ANKRD27: variants seen among roughly 807,000 people sequenced by gnomAD.
The protein encoded by ANKRD27 is ankyrin repeat domain-containing protein 27.
Under a neutral mutation model 129.7 loss-of-function variants are expected in ANKRD27, and 112 were observed. That is an observed-to-expected ratio of 0.86 (90% CI 0.74 to 1.01). The LOEUF (loss-of-function observed/expected upper bound fraction) is 1.01, where lower values mean the gene tolerates loss of function less well. Among genes scored for constraint, ANKRD27 ranks in the 50% least tolerant of loss-of-function variants. ANKRD27 has a pLI of 0.00. For missense variants in ANKRD27, 1,258 were observed against 1,300.5 expected, an observed-to-expected ratio of 0.97 and a Z score of 0.50; for synonymous variants, 516 against 511.2, an observed-to-expected ratio of 1.01 and a Z score of -0.13.
rs112253533 is a variant in ANKRD27, at chr19:32,626,169, G to C, written c.1537-203C>G. 7.5e-4 allele frequency among the ~76,000 whole-genome samples: 114 copies of C among 152,158 alleles called. 1 individual carries two copies. Among genetic ancestry groups the C allele is most frequent in the African/African-American group, 2.7e-3 (112 of 41,494 alleles). The stretch of plus-strand genomic sequence containing the variant: ...AGCCCCACCTTTTCTTCCCCCATAT[G>C]ATCAGGAAGTTTTTCTTTTTAGAGA... On this transcript the variant is annotated intron_variant, in intron 16 of 28. Coordinates refer to ENST00000306065, the MANE Select transcript of ANKRD27 (RefSeq NM_032139.3).
intron 1 of ANKRD27, among the ~76,000 whole-genome samples, chr19:32,670,035 G>A (rs1967837989): frequency 1.3e-5 from 2 of 151,762 alleles, no homozygotes; most frequent in East Asian, 3.9e-4. Flanking sequence ...AAACGGCAGG[G>A]AAGGGGATGA....
chr19:32,624,448 G>T (rs954904686), intron 17 of ANKRD27, among the ~76,000 whole-genome samples: 4 of 151,952 alleles, frequency 2.6e-5, no homozygotes, highest in Admixed American at 2.0e-4. Context: ...AGTTAGGAAA[G>T]CAAGTGGCAT....
chr19:32,643,053 G>A, intron 9 of ANKRD27, 70 bp downstream of exon 9: 2 of 1,482,388 alleles, frequency 1.3e-6, no homozygotes, highest in Non-Finnish European at 1.9e-6. Context: ...CCACCGAGAG[G>A]GCCTGCTTCC....
chr19:32,605,905 A>AG lies in ANKRD27; in HGVS notation c.2422dup (p.Leu808ProfsTer30). 6.2e-7 allele frequency: 1 copy of AG among 1,614,082 alleles called. No homozygotes were observed. On this transcript the variant is annotated frameshift_variant, in exon 24 of 29. Transcript: ENST00000306065. LOFTEE classifies it high-confidence loss of function. ...GTAAATGAGGGGCGTGTTTCCACTG[A>AG]GGTCCTTCTTATTGGGTTTTGCATT...
intron 2 of ANKRD27, among the ~76,000 whole-genome samples, chr19:32,654,602 A>G (rs1430787310): frequency 6.6e-6 from 1 of 152,206 alleles, no homozygotes; most frequent in Admixed American, 6.5e-5. Flanking sequence ...CCAGTGTGAC[A>G]GTGACAGCAG....
intron 18 of ANKRD27, among the ~76,000 whole-genome samples, chr19:32,620,141 T>C (rs1408632742): frequency 6.6e-6 from 1 of 152,026 alleles, no homozygotes; most frequent in Non-Finnish European, 1.5e-5. Context: ...CTTGGCAGTA[T>C]TCAGGGGGTA....
chr19:32,617,584 C>T lies in ANKRD27; in HGVS notation c.2052+5G>A, dbSNP rs775661887. The T allele has an allele frequency of 7.9e-6, 6 of 755,112 alleles. No individual in the cohort carries two copies. In the African/African-American group the frequency reaches 8.7e-5, roughly 11 times the overall value. 46.8% of individuals were successfully genotyped at this position (755,112 alleles called of 1,614,324 possible). Reference sequence around the variant, plus strand: ...ATAAAATAAAAAGCACTTCTAAAAACTCACCATTTCTAGATCTCCATCAGC... The same window carrying T: ...ATAAAATAAAAAGCACTTCTAAAAATTCACCATTTCTAGATCTCCATCAGC... On this transcript the variant is annotated splice_donor_5th_base_variant and intron_variant, in intron 21 of 28. Transcript: ENST00000306065.
intron 22 of ANKRD27, among the ~76,000 whole-genome samples, chr19:32,611,225 A>ACAG (rs1438917466): frequency 1.3e-5 from 2 of 152,162 alleles, no homozygotes; most frequent in African/African-American, 4.8e-5. Context: ...AATGGCAAAA[A>ACAG]CAGCAGCAGC....
At chr19:32,602,949 C>A (rs1473984722) in intron 25 of ANKRD27, among the ~76,000 whole-genome samples, 1 of 151,854 alleles carries the variant, frequency 6.6e-6, no homozygotes, top group African/African-American at 2.4e-5. Context: ...TCAACATAAT[C>A]ATTTAAGAAA....
intron 2 of ANKRD27, among the ~76,000 whole-genome samples, chr19:32,655,743 C>A (rs1967505757): frequency 6.6e-6 from 1 of 152,060 alleles, no homozygotes; most frequent in Non-Finnish European, 1.5e-5. Flanking sequence ...TTAGGCCGGA[C>A]ACAGTGGCTC....
At position 32,605,823 on chromosome 19, in the gene ANKRD27, AG is replaced by A; in HGVS notation, c.2493+11del. The A allele has an allele frequency of 6.2e-7, 1 of 1,612,048 alleles. No homozygotes were observed. The highest frequency in any genetic ancestry group is 8.5e-7 in the Non-Finnish European group (1 of 1,179,172). On this transcript the variant is annotated intron_variant, in intron 24 of 28. Transcript: ENST00000306065. ...GCAGGTGTGTAGAATGAGGACAGGA[AG>A]GGGCCCTCACCTGTAGCAGCAGTGC...
At chr19:32,613,854 G>C (rs1046981674) in intron 22 of ANKRD27, among the ~76,000 whole-genome samples, 1 of 151,874 alleles carries the variant, frequency 6.6e-6, no homozygotes, top group African/African-American at 2.4e-5. Context: ...GACTAGAAGC[G>C]CCCGCCACCA....
chr19:32,642,149 T>C lies in ANKRD27; in HGVS notation c.783-4A>G. 1 of 1,579,828 alleles carries C rather than the reference T, an allele frequency of 6.3e-7. No individual in the cohort carries two copies. The highest frequency in any genetic ancestry group is 1.1e-5 in the South Asian group (1 of 87,712). ...TTTGGCACGAGGTATGTTAAAGCTG[T>C]AAAATAATTTGGAAAGTGACAACTT... On this transcript the variant is annotated splice_region_variant and splice_polypyrimidine_tract_variant and intron_variant, in intron 9 of 28. Coordinates refer to ENST00000306065, the MANE Select transcript of ANKRD27 (RefSeq NM_032139.3).
chr19:32,646,673 A>C, intron 3 of ANKRD27, 58 bp from the exon 4 acceptor site: 1 of 1,575,642 alleles, frequency 6.3e-7, no homozygotes, highest in Non-Finnish European at 8.6e-7. Flanking sequence ...TCCCACTCTC[A>C]GCCTGGCCCC....
At chr19:32,618,211 A>T (rs1971951880) in intron 20 of ANKRD27, among the ~76,000 whole-genome samples, 1 of 151,990 alleles carries the variant, frequency 6.6e-6, no homozygotes, top group Non-Finnish European at 1.5e-5. Context: ...TTATATGTAT[A>T]TACATATAAA....
intron 2 of ANKRD27, among the ~76,000 whole-genome samples, chr19:32,656,456 T>C (rs1158532090): frequency 6.6e-6 from 1 of 152,130 alleles, no homozygotes; most frequent in African/African-American, 2.4e-5. Flanking sequence ...TGAATGACCA[T>C]CTTTCGCACT....
At chr19:32,629,844 C>CTTTTT (rs548494616) in intron 13 of ANKRD27, among the ~76,000 whole-genome samples, 1 of 105,608 alleles carries the variant, frequency 9.5e-6, no homozygotes, top group Non-Finnish European at 1.9e-5. Context: ...CTCTTGTGTT[C>CTTTTT]TTTTTTTTTT....
Position 32,649,688 on chromosome 19 carries a change from AT to A in ANKRD27, c.206del (p.Asn69MetfsTer14). On this transcript the variant is annotated frameshift_variant, in exon 3 of 29. Transcript: ENST00000306065. LOFTEE classifies it high-confidence loss of function. ...IPVEEHFQTL[N>X]GKDVFIQGNR... ...TCCACCAAGAAATGAATACCTTTCC[AT>A]TTAAGGTCTGAAAATGCTCTTCCAC... The A allele has an allele frequency of 6.2e-7, 1 of 1,608,118 alleles. No homozygotes were observed. The highest frequency in any genetic ancestry group is 1.1e-5 in the South Asian group (1 of 90,970).
chr19:32,600,605 T>A (rs1027341997), intron 26 of ANKRD27, among the ~76,000 whole-genome samples: 2 of 152,146 alleles, frequency 1.3e-5, no homozygotes, highest in African/African-American at 4.8e-5. Flanking sequence ...AGAATCTGAT[T>A]TCCTGATTTG....
Sources: gnomAD v4.1 joint callset for allele counts (sites outside exome capture counted in the v4.1 genomes callset) on GRCh38, gnomAD v4.1.1 for gene constraint, MANE v1.5 for transcripts, NCBI Gene and HGNC (gene_info 2026-07-23, HGNC 2026-07-21) for gene names.